Variants in ATG10 observed in about 807,000 individuals in gnomAD.
The protein encoded by ATG10 is ubiquitin-like-conjugating enzyme ATG10.
ATG10 carries 30 observed loss-of-function variants against 32.1 expected under a neutral mutation model. The ratio of observed to expected loss-of-function variants is 0.94; its 90% CI spans 0.70 to 1.27. The LOEUF is 1.27. Ranked by LOEUF, ATG10 falls within the 50% of genes most tolerant of loss-of-function variation. The probability of loss-of-function intolerance (pLI) is 0.00; values close to 1 mark genes in which losing one functional copy is unlikely to be tolerated. For synonymous variants in ATG10, 87 were observed against 91.5 expected (o/e 0.95, Z 0.28); for missense variants, 233 against 262.3 (o/e 0.89, Z 0.77).
At chr5:82,118,354 CAT>C (rs1355332921) in intron 3 of ATG10, among the ~76,000 whole-genome samples, 2 of 102,188 alleles carry the variant, frequency 2.0e-5, no homozygotes, top group African/African-American at 4.1e-5. Flanking sequence ...ATAATATATA[CAT>C]ATATATACAA....
intron 3 of ATG10, among the ~76,000 whole-genome samples, chr5:82,059,623 G>A (rs541268694): frequency 6.7e-6 from 1 of 150,272 alleles, no homozygotes; most frequent in Admixed American, 6.7e-5. Context: ...ACTAGTGTTT[G>A]AATTCTGAGC....
intron 2 of ATG10, among the ~76,000 whole-genome samples, chr5:82,001,172 AG>A (rs1428216291): frequency 4.6e-5 from 7 of 152,242 alleles, no homozygotes; most frequent in Non-Finnish European, 8.8e-5. Flanking sequence ...GCTCATGGAT[AG>A]GAAGAAATAA....
chr5:82,114,817 C>G (rs956839651), intron 3 of ATG10, among the ~76,000 whole-genome samples: 10 of 151,994 alleles, frequency 6.6e-5, no homozygotes, highest in African/African-American at 2.4e-4. Context: ...TCTAAGACAG[C>G]ATTAGCCAAT....
intron 2 of ATG10, among the ~76,000 whole-genome samples, chr5:82,002,011 C>T (rs1581585979): frequency 6.6e-6 from 1 of 152,094 alleles, no homozygotes; most frequent in South Asian, 2.1e-4. Flanking sequence ...AGAAGACATG[C>T]ACATCGCCAA....
At chr5:82,237,687 A>G (rs1746621677) in intron 5 of ATG10, among the ~76,000 whole-genome samples, 2 of 151,926 alleles carry the variant, frequency 1.3e-5, no homozygotes, top group South Asian at 4.1e-4. Context: ...TCCCCGAGTC[A>G]GAAGTGACCT....
At chr5:82,042,686 G>A (rs1561269696) in intron 2 of ATG10, among the ~76,000 whole-genome samples, 2 of 152,126 alleles carry the variant, frequency 1.3e-5, no homozygotes, top group Admixed American at 6.5e-5. Context: ...GGAGACATTG[G>A]CCAAAACAAA....
intron 1 of ATG10, among the ~76,000 whole-genome samples, chr5:81,979,792 G>A (rs1481813297): frequency 8.7e-6 from 1 of 114,526 alleles, no homozygotes; most frequent in African/African-American, 3.3e-5. Flanking sequence ...CAGCAGCTTT[G>A]TTTTTTTTAG....
intron 3 of ATG10, among the ~76,000 whole-genome samples, chr5:82,140,049 C>T (rs1767017433): frequency 7.1e-6 from 1 of 140,050 alleles, no homozygotes; most frequent in East Asian, 2.2e-4. Context: ...GCCAGCCGCC[C>T]CGTCCGGGAG....
chr5:82,075,043 C>A (rs1342281952), intron 3 of ATG10, among the ~76,000 whole-genome samples: 1 of 152,156 alleles, frequency 6.6e-6, no homozygotes, highest in East Asian at 1.9e-4. Context: ...TGTTGCACAG[C>A]TTCTTGTGGA....
intron 4 of ATG10, among the ~76,000 whole-genome samples, chr5:82,165,790 T>C (rs999110039): frequency 1.3e-5 from 2 of 152,212 alleles, no homozygotes; most frequent in African/African-American, 4.8e-5. Flanking sequence ...GTAGGAGATA[T>C]ATTTGTTTAT....
chr5:82,169,938 G>T (rs766027989), intron 4 of ATG10, among the ~76,000 whole-genome samples: 1 of 152,152 alleles, frequency 6.6e-6, no homozygotes, highest in Non-Finnish European at 1.5e-5. Flanking sequence ...GTCACATGCT[G>T]GGTTAGAACA....
chr5:82,157,632 C>T (rs1300594168), intron 3 of ATG10, among the ~76,000 whole-genome samples: 3 of 152,112 alleles, frequency 2.0e-5, no homozygotes, highest in Admixed American at 2.0e-4. Context: ...TATTAAAATT[C>T]TTTATTTCTT....
chr5:81,995,179 G>A (rs1218461399), intron 2 of ATG10, among the ~76,000 whole-genome samples: 2 of 152,128 alleles, frequency 1.3e-5, no homozygotes, highest in Non-Finnish European at 2.9e-5. Flanking sequence ...CACCTAGGCT[G>A]GAGTACAGTG....
chr5:82,143,164 G>A (rs760219475), intron 3 of ATG10, among the ~76,000 whole-genome samples: 29 of 152,206 alleles, frequency 1.9e-4, no homozygotes, highest in Non-Finnish European at 3.7e-4. Flanking sequence ...GGGAACAAGC[G>A]AGGCCACCTT....
At chr5:82,029,251 A>G (rs1762678667) in intron 2 of ATG10, among the ~76,000 whole-genome samples, 1 of 152,220 alleles carries the variant, frequency 6.6e-6, no homozygotes, top group Non-Finnish European at 1.5e-5. Flanking sequence ...CTCTACAGAG[A>G]CAGAAAGTAG....
intron 3 of ATG10, among the ~76,000 whole-genome samples, chr5:82,124,697 G>T (rs369102464): frequency 6.6e-6 from 1 of 151,970 alleles, no homozygotes; most frequent in South Asian, 2.1e-4. Flanking sequence ...ACATTGATGG[G>T]CATTTGGGTT....
At chr5:82,184,117 T>A (rs569546881) in intron 5 of ATG10, among the ~76,000 whole-genome samples, 1 of 152,286 alleles carries the variant, frequency 6.6e-6, no homozygotes, top group East Asian at 1.9e-4. Context: ...GTAGTGCCTT[T>A]ATCTAGGTGT....
At chr5:81,972,656 A>T (rs1347114818) in intron 1 of ATG10, 2 of 152,256 alleles carry the variant, frequency 1.3e-5, no homozygotes, top group African/African-American at 4.8e-5. Flanking sequence ...TTGAAACAGT[A>T]TTAAATTACT....
chr5:82,089,576 C>T (rs34043729), intron 3 of ATG10, among the ~76,000 whole-genome samples: 3,446 of 152,188 alleles, frequency 0.023, 67 homozygotes, highest in Non-Finnish European at 0.038. Context: ...ACCTCAGTCT[C>T]ACACATTTTA....
Sources: allele counts gnomAD v4.1 joint callset (sites outside exome capture counted in the v4.1 genomes callset), GRCh38; gene constraint gnomAD v4.1.1; transcripts MANE v1.5; gene names NCBI Gene and HGNC (gene_info 2026-07-23, HGNC 2026-07-21).